Variants in FTO observed in about 807,000 individuals in gnomAD.
The protein encoded by FTO is alpha-ketoglutarate-dependent dioxygenase FTO.
FTO carries 47 observed loss-of-function variants against 63.9 expected under a neutral mutation model. That is an observed-to-expected ratio of 0.74 (90% CI 0.58 to 0.94). The LOEUF (loss-of-function observed/expected upper bound fraction) is 0.94. FTO is among the 40% of genes least tolerant of loss of function. The pLI is 0.00. For synonymous variants in FTO, 207 were observed against 224.4 expected (o/e 0.92, Z 0.69); for missense variants, 562 against 618.1 (o/e 0.91, Z 0.96).
intron 7 of FTO, among the ~76,000 whole-genome samples, chr16:53,914,514 G>A (rs2081808990): frequency 6.6e-6 from 1 of 152,126 alleles, no homozygotes; most frequent in Non-Finnish European, 1.5e-5. Context: ...CTCCTGTCAA[G>A]TCCCTATAAG....
chr16:54,018,431 TA>T lies in FTO; in HGVS notation c.1364+84323del, dbSNP rs1177652897. ...ATAGATACATACATACATACATACA[TA>T]CATACATACATACATACATTCATTC... On this transcript the variant is annotated intron_variant, in intron 8 of 8. Coordinates refer to ENST00000471389, the MANE Select transcript of FTO (RefSeq NM_001080432.3). Among the ~76,000 whole-genome samples the T allele has an allele frequency of 2.8e-4, 18 of 64,384 alleles. No homozygotes were observed. In the African/African-American group the frequency reaches 2.9e-3, roughly 10 times the overall value. 42.2% of individuals were successfully genotyped at this position (64,384 alleles called of 152,430 possible).
chr16:54,112,029 C>T lies in FTO; in HGVS notation c.*114C>T, dbSNP rs756070602. ...TTCTCTTGGCCCCTAGATTGTAGCA[C>T]CCGGGTCCCAATCCAAAACAGCTAG... On this transcript the variant is annotated 3_prime_UTR_variant, in exon 9 of 9. Coordinates refer to ENST00000471389, the MANE Select transcript of FTO (RefSeq NM_001080432.3). The T allele has an allele frequency of 4.4e-6, 5 of 1,134,666 alleles. No individual in the cohort carries two copies. The highest frequency in any genetic ancestry group is 2.8e-4 in the Middle Eastern group (1 of 3,522). The allele number at this position is 1,134,666 out of a possible 1,614,324, so 70.3% of individuals were successfully genotyped here. A position where few individuals can be genotyped will look rare whatever the true frequency, so the allele number is the denominator to read the frequency against.
chr16:53,711,332 C>T (rs989660823), intron 1 of FTO: 2 of 398,106 alleles, frequency 5.0e-6, no homozygotes, highest in Admixed American at 4.4e-5. Context: ...TATAGTCACT[C>T]AAACCATTTT....
intron 3 of FTO, among the ~76,000 whole-genome samples, chr16:53,837,273 T>C (rs1412533518): frequency 6.6e-5 from 10 of 152,236 alleles, no homozygotes; most frequent in African/African-American, 2.4e-4. Context: ...AATATTTTTA[T>C]CTTAAATTTT....
intron 6 of FTO, among the ~76,000 whole-genome samples, chr16:53,883,685 T>G (rs1223914486): frequency 6.6e-6 from 1 of 151,182 alleles, no homozygotes; most frequent in Non-Finnish European, 1.5e-5. Flanking sequence ...CTGGCTGCTT[T>G]TGATATTATG....
intron 8 of FTO, among the ~76,000 whole-genome samples, chr16:53,950,804 G>T (rs187688776): frequency 2.4e-4 from 36 of 152,322 alleles, no homozygotes; most frequent in African/African-American, 8.4e-4. Flanking sequence ...TCAGTGTCCT[G>T]ACATAGTTAA....
chr16:53,866,610 T>G (rs529290425), intron 4 of FTO, among the ~76,000 whole-genome samples: 1 of 152,276 alleles, frequency 6.6e-6, no homozygotes, highest in South Asian at 2.1e-4. Flanking sequence ...ATTTTATTTC[T>G]CAAGGAATTG....
intron 7 of FTO, among the ~76,000 whole-genome samples, chr16:53,905,550 CT>C (rs1162295627): frequency 2.0e-5 from 3 of 152,168 alleles, no homozygotes; most frequent in Non-Finnish European, 4.4e-5. Context: ...GCTCCTTAGA[CT>C]CTCATCTTAG....
intron 6 of FTO, among the ~76,000 whole-genome samples, chr16:53,880,336 A>G (rs1041931880): frequency 6.6e-6 from 1 of 152,170 alleles, no homozygotes; most frequent in African/African-American, 2.4e-5. Context: ...ATTCTACCCT[A>G]CTTGCAAGCT....
chr16:54,090,855 C>T (rs1176065673), intron 8 of FTO, among the ~76,000 whole-genome samples: 4 of 152,158 alleles, frequency 2.6e-5, no homozygotes, highest in Admixed American at 6.5e-5. Context: ...AAAGCTGGTT[C>T]TGCTGTGACT....
intron 1 of FTO, among the ~76,000 whole-genome samples, chr16:53,752,622 C>T (rs1427054380): frequency 6.6e-6 from 1 of 152,184 alleles, no homozygotes; most frequent in Non-Finnish European, 1.5e-5. Flanking sequence ...TACTTCTTTT[C>T]AATCCATATG....
chr16:53,950,311 G>A (rs963651689), intron 8 of FTO, among the ~76,000 whole-genome samples: 5 of 151,946 alleles, frequency 3.3e-5, no homozygotes, highest in African/African-American at 7.2e-5. Flanking sequence ...AAAAAGCCTC[G>A]TTACTGAGAA....
chr16:53,879,713 A>AAT, intron 5 of FTO, 131 bp from the exon 6 acceptor site: 4 of 645,972 alleles, frequency 6.2e-6, no homozygotes, highest in Non-Finnish European at 1.0e-5. Context: ...AAAAAAAAAA[A>AAT]GGAGTATAGA....
At position 53,911,629 on chromosome 16, in the gene FTO, C is replaced by T. The variant is rs553117047; in HGVS notation, c.1240-22356C>T. On this transcript the variant is annotated intron_variant, in intron 7 of 8. Transcript: ENST00000471389. ...ACCTGGAGGTTCCTGAGAGGAAGTG[C>T]ACTGTAGCCAGACATGTGGTATCCC... 1.6e-5 allele frequency: 10 copies of T among 626,254 alleles called. No homozygotes were observed. The South Asian group carries it at 1.6e-4, about 10-fold the overall frequency. 38.8% of individuals were successfully genotyped at this position (626,254 alleles called of 1,614,324 possible).
chr16:53,820,248 A>G (rs2078821097), intron 2 of FTO, among the ~76,000 whole-genome samples: 1 of 151,902 alleles, frequency 6.6e-6, no homozygotes, highest in Non-Finnish European at 1.5e-5. Flanking sequence ...ACATCAGATG[A>G]TCCAGCTGCC....
chr16:53,897,328 A>G (rs2081300952), intron 7 of FTO, among the ~76,000 whole-genome samples: 1 of 152,248 alleles, frequency 6.6e-6, no homozygotes, highest in East Asian at 1.9e-4. Flanking sequence ...ATACCGCTCA[A>G]TAAATCTCCT....
At chr16:53,997,098 G>A (rs779249139) in intron 8 of FTO, among the ~76,000 whole-genome samples, 5 of 150,312 alleles carry the variant, frequency 3.3e-5, no homozygotes, top group African/African-American at 7.4e-5. Context: ...ATGGAGTGGA[G>A]CAAGACTCTA....
In FTO at chr16:53,844,302, A is replaced by G. The variant is rs993322669; in HGVS notation, c.895+4A>G. The G allele has an allele frequency of 1.6e-5, 25 of 1,611,252 alleles. No individual in the cohort carries two copies. The highest frequency in any genetic ancestry group is 2.0e-5 in the Non-Finnish European group (24 of 1,177,512). ...GGAGACTGCTATTTCATGCTTGGTA[A>G]TCTTTGGAAAATCAAAATTATATTG... On this transcript the variant is annotated splice_donor_region_variant and intron_variant, in intron 4 of 8. Coordinates refer to ENST00000471389, the MANE Select transcript of FTO (RefSeq NM_001080432.3).
chr16:53,919,495 T>C (rs2081958968), intron 7 of FTO, among the ~76,000 whole-genome samples: 1 of 152,110 alleles, frequency 6.6e-6, no homozygotes, highest in South Asian at 2.1e-4. Context: ...AGGAAAAGAA[T>C]TCATTATACA....
Sources: allele counts gnomAD v4.1 joint callset (sites outside exome capture counted in the v4.1 genomes callset), GRCh38; gene constraint gnomAD v4.1.1; transcripts MANE v1.5; gene names NCBI Gene and HGNC (gene_info 2026-07-23, HGNC 2026-07-21).